The following RMDN2 variants were observed in gnomAD, a reference collection of about 807,000 sequenced individuals.
RMDN2 encodes regulator of microtubule dynamics protein 2.
RMDN2 carries 61 observed loss-of-function variants against 52.8 expected under a neutral mutation model. That is an observed-to-expected ratio of 1.16 (90% confidence interval 0.94 to 1.43). The LOEUF (loss-of-function observed/expected upper bound fraction) is 1.43, where lower values mean the gene tolerates loss of function less well. Among genes scored for constraint, RMDN2 ranks in the 40% most tolerant of loss-of-function variants. The pLI is 0.00. For missense variants in RMDN2, 592 were observed against 475.3 expected (o/e 1.25, Z -2.28); for synonymous variants, 180 against 153.1 (o/e 1.18, Z -1.30).
intron 10 of RMDN2, among the ~76,000 whole-genome samples, chr2:38,063,791 C>T (rs1446627416): frequency 6.6e-5 from 10 of 152,190 alleles, no homozygotes; most frequent in Admixed American, 5.9e-4. Context: ...CTTTCCCAAG[C>T]AATGTATGAA....
At chr2:37,968,570 AAAT>A (rs1183566023) in intron 2 of RMDN2, among the ~76,000 whole-genome samples, 1 of 152,132 alleles carries the variant, frequency 6.6e-6, no homozygotes, top group Non-Finnish European at 1.5e-5. Context: ...TTTTCACAGT[AAAT>A]AATGTCTTTT....
intron 2 of RMDN2, chr2:37,952,484 CTA>C: frequency 2.1e-6 from 1 of 474,812 alleles, no homozygotes; most frequent in East Asian, 3.1e-5. Flanking sequence ...TTCTGAGTGA[CTA>C]TTATAATACT....
At chr2:38,023,397 A>C (rs1679539288) in intron 10 of RMDN2, among the ~76,000 whole-genome samples, 1 of 152,230 alleles carries the variant, frequency 6.6e-6, no homozygotes. Flanking sequence ...AAAGCTAGAA[A>C]ATGTAAAGAA....
intron 1 of RMDN2, 39 bp from the exon 2 acceptor site, chr2:37,929,223 A>G (rs1270377034): frequency 8.2e-7 from 1 of 1,220,602 alleles, no homozygotes; most frequent in South Asian, 1.6e-5. Context: ...GGACAAAGAC[A>G]TAAACAACAT....
rs1004732758 is a variant in RMDN2, at chr2:37,995,863, G to C, written c.946-1553G>C. ...ATGATAATGAAAACCCCAAGTAGAT[G>C]CCATTTTATTCCTATTCTTTTTATA... On this transcript the variant is annotated intron_variant, in intron 7 of 10. Coordinates refer to ENST00000354545, the MANE Select transcript of RMDN2 (RefSeq NM_001170791.3). Among the ~76,000 whole-genome samples the C allele has an allele frequency of 5.3e-5, 8 of 152,160 alleles. No individual in the cohort carries two copies. In the South Asian group the frequency reaches 1.7e-3, roughly 32 times the overall value.
chr2:38,043,181 G>A (rs564845230), intron 10 of RMDN2, among the ~76,000 whole-genome samples: 3 of 152,242 alleles, frequency 2.0e-5, no homozygotes, highest in African/African-American at 7.2e-5. Context: ...CTGTTGTTAT[G>A]TGTGTACACA....
intron 10 of RMDN2, among the ~76,000 whole-genome samples, chr2:38,024,401 C>T (rs188109797): frequency 7.2e-4 from 109 of 152,272 alleles, no homozygotes; most frequent in African/African-American, 2.4e-3. Context: ...TCACCAACAG[C>T]GTCTGAGAGT....
chr2:37,988,525 A>AT (rs1318222500), intron 5 of RMDN2, among the ~76,000 whole-genome samples: 1 of 152,202 alleles, frequency 6.6e-6, no homozygotes, highest in Admixed American at 6.5e-5. Context: ...TGTGGTATGA[A>AT]TTAAGTTATC....
chr2:37,993,397 A>AT (rs1030216455), intron 7 of RMDN2, among the ~76,000 whole-genome samples: 12 of 152,080 alleles, frequency 7.9e-5, no homozygotes, highest in East Asian at 7.7e-4. Context: ...GTGTAAAGAA[A>AT]GTTTCCAGCA....
chr2:37,961,388 T>G (rs1670217243), intron 2 of RMDN2, among the ~76,000 whole-genome samples: 1 of 152,076 alleles, frequency 6.6e-6, no homozygotes, highest in African/African-American at 2.4e-5. Context: ...TGTTTGTTCC[T>G]TTGCATTCTT....
At chr2:38,022,973 C>T (rs1361208752) in intron 10 of RMDN2, among the ~76,000 whole-genome samples, 1 of 152,084 alleles carries the variant, frequency 6.6e-6, no homozygotes, top group Non-Finnish European at 1.5e-5. Context: ...TTCTTTGAGC[C>T]CGGGGCTGTT....
chr2:38,026,962 A>G (rs1297314661), intron 10 of RMDN2: 4 of 151,872 alleles, frequency 2.6e-5, no homozygotes, highest in Non-Finnish European at 4.4e-5. Context: ...TCTTTCTGTA[A>G]TTGATTTCTA....
rs768155862 is a variant in RMDN2, at chr2:38,004,230, G to T, written c.1179+14G>T. ...GTTACCAAAGAGGTAAGTCCAGAAA[G>T]TGACAGTGAGTGCTGTTGTCTTGTT... On this transcript the variant is annotated intron_variant, in intron 10 of 10. Transcript: ENST00000354545. The T allele has an allele frequency of 6.4e-6, 10 of 1,563,856 alleles. No individual in the cohort carries two copies. The highest frequency in any genetic ancestry group is 1.4e-5 in the African/African-American group (1 of 73,892).
chr2:37,924,294 T>G (rs146235812), upstream of RMDN2, among the ~76,000 whole-genome samples: 929 of 152,216 alleles, frequency 6.1e-3, 3 homozygotes, highest in Non-Finnish European at 8.9e-3. Flanking sequence ...TGGTGGGAAG[T>G]TTAGAGATTA....
At chr2:38,040,209 C>A (rs1169662801) in intron 10 of RMDN2, among the ~76,000 whole-genome samples, 3 of 151,978 alleles carry the variant, frequency 2.0e-5, no homozygotes, top group Non-Finnish European at 4.4e-5. Context: ...AACTTTCTTA[C>A]CTCTTCCATT....
At chr2:37,970,711 A>G (rs1671698011) in intron 2 of RMDN2, among the ~76,000 whole-genome samples, 1 of 152,164 alleles carries the variant, frequency 6.6e-6, no homozygotes, top group African/African-American at 2.4e-5. Flanking sequence ...GTAGATACAT[A>G]ATTCTGATGT....
intron 2 of RMDN2, among the ~76,000 whole-genome samples, chr2:37,965,883 G>T (rs1358977287): frequency 6.6e-6 from 1 of 152,184 alleles, no homozygotes; most frequent in Non-Finnish European, 1.5e-5. Context: ...GCTGTTTATA[G>T]AAATCTCAGG....
intron 2 of RMDN2, among the ~76,000 whole-genome samples, chr2:37,958,433 T>G (rs146112461): frequency 6.6e-6 from 1 of 151,200 alleles, no homozygotes; most frequent in East Asian, 1.9e-4. Flanking sequence ...CACTCATGAT[T>G]TAGCTCTCTA....
chr2:38,024,948 G>C (rs1317410251), intron 10 of RMDN2, among the ~76,000 whole-genome samples: 1 of 152,054 alleles, frequency 6.6e-6, no homozygotes. Context: ...TTCTAGATTT[G>C]AAACCAGGTA....
Sources: allele counts gnomAD v4.1 joint callset (sites outside exome capture counted in the v4.1 genomes callset), GRCh38; gene constraint gnomAD v4.1.1; transcripts MANE v1.5; gene names NCBI Gene and HGNC (gene_info 2026-07-23, HGNC 2026-07-21).